The following PDE10A variants were observed in gnomAD, a reference collection of about 807,000 sequenced individuals.
The protein encoded by PDE10A is cAMP and cAMP-inhibited cGMP 3',5'-cyclic phosphodiesterase 10A.
A neutral mutation model predicts 97.7 loss-of-function variants in PDE10A; 39 were observed. That is an observed-to-expected ratio of 0.40 (90% CI 0.31 to 0.52). The LOEUF is 0.52. PDE10A is among the 20% of genes least tolerant of loss of function. The pLI is 0.56. For synonymous variants in PDE10A, 371 were observed against 376.8 expected (o/e 0.98, Z 0.18); for missense variants, 731 against 1,047.8 (o/e 0.70, Z 4.17).
chr6:165,835,413 C>T (rs1443202175), intron 1 of PDE10A, among the ~76,000 whole-genome samples: 1 of 152,196 alleles, frequency 6.6e-6, no homozygotes, highest in African/African-American at 2.4e-5. Context: ...GATCTTTCTC[C>T]CTCAGGCCAC....
At chr6:165,368,601 C>A (rs565474083) in intron 18 of PDE10A, among the ~76,000 whole-genome samples, 2 of 152,206 alleles carry the variant, frequency 1.3e-5, no homozygotes, top group South Asian at 2.1e-4. Flanking sequence ...TCCCCCAACA[C>A]AAATAGCTCA....
rs993494523 is a variant in PDE10A, at chr6:165,382,491, G to A, written c.2611-3125C>T. On this transcript the variant is annotated intron_variant, in intron 17 of 21. Coordinates refer to ENST00000539869, the MANE Select transcript of PDE10A (RefSeq NM_001385079.1). Reference sequence around the variant, plus strand: ...TTATAGTACTGTAATTAAGAGCACCGATTTTGGAGCCAAATAATTCTATCT... The same window carrying A: ...TTATAGTACTGTAATTAAGAGCACCAATTTTGGAGCCAAATAATTCTATCT... 5.3e-5 allele frequency among the ~76,000 whole-genome samples: 8 copies of A among 152,072 alleles called. 1 individual carries two copies. Among genetic ancestry groups the A allele is most frequent in the Admixed American group, 2.0e-4 (3 of 15,268 alleles).
At chr6:165,917,781 G>T (rs902690439) in intron 1 of PDE10A, among the ~76,000 whole-genome samples, 2 of 152,162 alleles carry the variant, frequency 1.3e-5, no homozygotes, top group Non-Finnish European at 2.9e-5. Context: ...ACCTCATCCT[G>T]CAGGCCCAGC....
intron 3 of PDE10A, among the ~76,000 whole-genome samples, chr6:165,457,765 A>T (rs1243136018): frequency 1.3e-5 from 2 of 152,064 alleles, no homozygotes; most frequent in African/African-American, 4.8e-5. Flanking sequence ...AATGGTAATG[A>T]ACAAATCAGT....
chr6:165,416,081 A>T, intron 12 of PDE10A, 108 bp downstream of exon 12: 1 of 733,924 alleles, frequency 1.4e-6, no homozygotes, highest in African/African-American at 1.8e-5. Context: ...ACTAAGGAAG[A>T]AAGAACTGAA....
intron 1 of PDE10A, among the ~76,000 whole-genome samples, chr6:165,803,485 TAA>T (rs1375806797): frequency 6.6e-6 from 1 of 152,160 alleles, no homozygotes; most frequent in Non-Finnish European, 1.5e-5. Context: ...AGAAAAAACT[TAA>T]GAGACAAATG....
At position 165,662,876 on chromosome 6, in the gene PDE10A, G is replaced by GTGGGCTGGGGCTCGA. The variant is rs1469392348; in HGVS notation, c.-66_-65insTCGAGCCCCAGCCCA. Among the ~76,000 whole-genome samples, 18 of 151,102 alleles carry GTGGGCTGGGGCTCGA rather than the reference G, an allele frequency of 1.2e-4. No individual in the cohort carries two copies. Among genetic ancestry groups the GTGGGCTGGGGCTCGA allele is most frequent in the African/African-American group, 4.4e-4 (18 of 41,376 alleles). Reference sequence around the variant, plus strand: ...GAGGGGCGCGGCGGGCCGGGGCTCGGTGGGCTCCGCCCCCGCAGGACCTGC... The same window carrying GTGGGCTGGGGCTCGA: ...GAGGGGCGCGGCGGGCCGGGGCTCGGTGGGCTGGGGCTCGATGGGCTCCGCCCCCGCAGGACCTGC... On this transcript the variant is annotated 5_prime_UTR_variant, in exon 1 of 22. Coordinates refer to ENST00000539869, the MANE Select transcript of PDE10A (RefSeq NM_001385079.1).
At chr6:165,824,992 A>G (rs1048784270) in intron 1 of PDE10A, among the ~76,000 whole-genome samples, 6 of 125,258 alleles carry the variant, frequency 4.8e-5, no homozygotes, top group South Asian at 2.6e-4. Context: ...AAAAAAAAAT[A>G]CAAAAAATTA....
chr6:165,898,199 C>T (rs1467542050), intron 1 of PDE10A, among the ~76,000 whole-genome samples: 1 of 152,082 alleles, frequency 6.6e-6, no homozygotes, highest in East Asian at 1.9e-4. Context: ...TCCTTCACAG[C>T]GATAAACTAA....
chr6:165,800,206 G>A (rs1421604979), intron 1 of PDE10A, among the ~76,000 whole-genome samples: 3 of 152,170 alleles, frequency 2.0e-5, no homozygotes, highest in Non-Finnish European at 4.4e-5. Flanking sequence ...TCATTCTGCT[G>A]AGCCCTGAAC....
In PDE10A at chr6:165,435,255, T is replaced by C. The variant is rs757560408; in HGVS notation, c.1317A>G (p.Leu439=). ...CACTTACTCCAAGGATGTCTTCTAC[T>C]AGCAGTGTTTTCCTGGACTTGGCCA... ...AYVAKSRKTL[L]VEDILGDERF... Residue 439 remains leucine, a synonymous_variant, in exon 6 of 22, where the codon CTA becomes CTG. Transcript: ENST00000539869. 6 of 1,614,028 alleles carry C rather than the reference T, an allele frequency of 3.7e-6. No individual in the cohort carries two copies. In the East Asian group the frequency reaches 1.1e-4, roughly 30 times the overall value.
chr6:165,648,369 A>G lies in PDE10A; in HGVS notation c.865+13578T>C, dbSNP rs568863669. Reference sequence around the variant, plus strand: ...CCACTGTTTCTTACTGAGAAGTCATAAAGCACAAGAAAATTACTGACACAG... The same window carrying G: ...CCACTGTTTCTTACTGAGAAGTCATGAAGCACAAGAAAATTACTGACACAG... On this transcript the variant is annotated intron_variant, in intron 1 of 21. Coordinates refer to ENST00000539869, the MANE Select transcript of PDE10A (RefSeq NM_001385079.1). Among the ~76,000 whole-genome samples the G allele has an allele frequency of 6.6e-5, 10 of 152,260 alleles. No homozygotes were observed. The East Asian group carries it at 1.9e-3, about 29-fold the overall frequency.
At chr6:165,802,307 A>G (rs1172728091) in intron 1 of PDE10A, among the ~76,000 whole-genome samples, 1 of 152,188 alleles carries the variant, frequency 6.6e-6, no homozygotes, top group Non-Finnish European at 1.5e-5. Flanking sequence ...TGCTTCATCC[A>G]TCAGACCTGA....
intron 1 of PDE10A, among the ~76,000 whole-genome samples, chr6:165,945,485 T>C (rs1471708243): frequency 6.6e-6 from 1 of 152,216 alleles, no homozygotes; most frequent in African/African-American, 2.4e-5. Context: ...AATCCTAAAC[T>C]CCAAGGTGAT....
chr6:165,722,067 T>C (rs1166805967), intron 1 of PDE10A, among the ~76,000 whole-genome samples: 1 of 152,224 alleles, frequency 6.6e-6, no homozygotes. Context: ...TATTCAAAAA[T>C]GTATTTTTGC....
intron 1 of PDE10A, among the ~76,000 whole-genome samples, chr6:165,677,964 CTATG>C (rs1202738706): frequency 8.6e-5 from 13 of 150,930 alleles, no homozygotes; most frequent in African/African-American, 2.7e-4. Context: ...GTTTGTATAT[CTATG>C]TGTTTTGTGT....
chr6:165,482,737 T>A (rs988830551), intron 2 of PDE10A, among the ~76,000 whole-genome samples: 1 of 152,168 alleles, frequency 6.6e-6, no homozygotes, highest in Admixed American at 6.6e-5. Flanking sequence ...GCTTCGAAGG[T>A]TAGTTCCAGC....
intron 3 of PDE10A, among the ~76,000 whole-genome samples, chr6:165,464,541 T>G (rs2128262945): frequency 6.6e-6 from 1 of 152,298 alleles, no homozygotes; most frequent in African/African-American, 2.4e-5. Context: ...TAGGTAAAAT[T>G]TACAGACACT....
chr6:165,522,512 C>T (rs967118468), intron 2 of PDE10A, among the ~76,000 whole-genome samples: 2 of 151,952 alleles, frequency 1.3e-5, no homozygotes, highest in Admixed American at 1.3e-4. Flanking sequence ...AAAAAAAGGT[C>T]TTTTTAAATG....
Sources: allele counts gnomAD v4.1 joint callset (sites outside exome capture counted in the v4.1 genomes callset), GRCh38; gene constraint gnomAD v4.1.1; transcripts MANE v1.5; gene names NCBI Gene and HGNC (gene_info 2026-07-23, HGNC 2026-07-21).